Variants in EXD3 observed in about 807,000 individuals in gnomAD.
The protein encoded by EXD3 is exonuclease mut-7 homolog.
A neutral mutation model predicts 98.0 loss-of-function variants in EXD3; 92 were observed. The observed-to-expected ratio is 0.94, with a 90% CI of 0.79 to 1.12. The LOEUF (loss-of-function observed/expected upper bound fraction) is 1.12. Ranked by LOEUF, EXD3 falls within the 50% of genes most tolerant of loss-of-function variation. The probability of loss-of-function intolerance (pLI) is 0.00; values close to 1 mark genes in which losing one functional copy is unlikely to be tolerated. For synonymous variants in EXD3, 569 were observed against 526.0 expected (o/e 1.08, Z -1.12); for missense variants, 1,222 against 1,191.6 (o/e 1.03, Z -0.38).
At chr9:137,418,191 A>C (rs1838329959) in intron 1 of EXD3, among the ~76,000 whole-genome samples, 1 of 152,210 alleles carries the variant, frequency 6.6e-6, no homozygotes, top group South Asian at 2.1e-4. Flanking sequence ...TACTAAAAAT[A>C]CAAAAATTAG....
In EXD3 at chr9:137,395,234, CCCCATGCACA is replaced by C; in HGVS notation, c.55+59_55+68del. 1 of 1,369,588 alleles carries C rather than the reference CCCCATGCACA, an allele frequency of 7.3e-7. No homozygotes were observed. The highest frequency in any genetic ancestry group is 1.0e-6 in the Non-Finnish European group (1 of 959,578). 84.8% of individuals were successfully genotyped at this position (1,369,588 alleles called of 1,614,324 possible). A position where few individuals can be genotyped will look rare whatever the true frequency, so the allele number is the denominator to read the frequency against. Reference sequence around the variant, plus strand: ...TGAGTACACAGTGGGCGCCACCACCCCCCATGCACACCCACGCACCTCCCCCCACAGCCCC... The same window carrying C: ...TGAGTACACAGTGGGCGCCACCACCCCCCACGCACCTCCCCCCACAGCCCC... On this transcript the variant is annotated intron_variant, in intron 2 of 21. Transcript: ENST00000340951. The surrounding 1 kb of genome is among the most constrained non-coding windows in gnomAD (Gnocchi z 6.5).
intron 19 of EXD3, among the ~76,000 whole-genome samples, chr9:137,316,615 C>T (rs866820648): frequency 6.6e-6 from 1 of 152,212 alleles, no homozygotes. Flanking sequence ...CCGCCATCGA[C>T]TGGGGGACTT....
chr9:137,382,061 AGGAGGTGAGGGCGCGCGGT>A (rs1564194613), intron 3 of EXD3, among the ~76,000 whole-genome samples: 7 of 105,514 alleles, frequency 6.6e-5, no homozygotes, highest in African/African-American at 2.0e-4. Flanking sequence ...GGGCGCGCGG[AGGAGGTGAGGGCGCGCGGT>A]GGAGGTCAGG....
intron 20 of EXD3, among the ~76,000 whole-genome samples, chr9:137,308,055 A>G (rs1831142594): frequency 6.6e-6 from 1 of 151,936 alleles, no homozygotes; most frequent in African/African-American, 2.4e-5. Flanking sequence ...GGCAGGGCCC[A>G]GGGACTGCCA....
chr9:137,378,365 C>T (rs192421899), intron 3 of EXD3, among the ~76,000 whole-genome samples: 7 of 152,226 alleles, frequency 4.6e-5, no homozygotes, highest in Non-Finnish European at 7.4e-5. Flanking sequence ...CATGCCACCA[C>T]GCTCGGCTAA....
intron 3 of EXD3, among the ~76,000 whole-genome samples, chr9:137,383,072 C>T (rs7390551): frequency 0.023 from 3,459 of 152,324 alleles, 61 homozygotes; most frequent in African/African-American, 0.026. Context: ...CAGAGGTGAC[C>T]TCAGAGGGGC....
Position 137,408,000 on chromosome 9 carries a change from TG to T in EXD3, c.-47-12597del, listed in dbSNP as rs1253532411. On this transcript the variant is annotated intron_variant, in intron 1 of 21. Coordinates refer to ENST00000340951, the MANE Select transcript of EXD3 (RefSeq NM_017820.5). The surrounding 1 kb of genome is among the most constrained non-coding windows in gnomAD (Gnocchi z 4.4). ...GGGGGTCTCCCCAGCCTCATGCCTCTGGGGATCTCCCACCCTCATGCCTCCT... is the reference window on the plus strand; with the variant it reads ...GGGGGTCTCCCCAGCCTCATGCCTCTGGGATCTCCCACCCTCATGCCTCCT... Among the ~76,000 whole-genome samples, 1 of 152,000 alleles carries T rather than the reference TG, an allele frequency of 6.6e-6. No individual in the cohort carries two copies. Among genetic ancestry groups the T allele is most frequent in the Non-Finnish European group, 1.5e-5 (1 of 67,978 alleles).
At chr9:137,420,693 T>C (rs1221723255) in intron 1 of EXD3, among the ~76,000 whole-genome samples, 1 of 148,730 alleles carries the variant, frequency 6.7e-6, no homozygotes, top group African/African-American at 2.5e-5. Flanking sequence ...TTCCGACAGA[T>C]CCAGGAACTT....
Position 137,349,121 on chromosome 9 carries a change from CG to C in EXD3, c.1818del (p.Ala607HisfsTer70), listed in dbSNP as rs1834110015. ...PPGLQKASAP[A>X]APRQVPVAVA... is the part of the protein sequence containing the mutation. ...GGGGCTTCACCCACCTGCCTGGGTG[CG>C]GCCGGTGCTGACGCTTTCTGCAGGC... is the stretch of plus-strand genomic sequence containing the variant. On this transcript the variant is annotated frameshift_variant, in exon 16 of 22. Transcript: ENST00000340951. LOFTEE classifies it high-confidence loss of function. This position sits in a 1 kb window ranked among gnomAD's most constrained non-coding sequence, Gnocchi z 7.4. 6.3e-7 allele frequency: 1 copy of C among 1,595,138 alleles called. No individual in the cohort carries two copies. The highest frequency in any genetic ancestry group is 8.5e-7 in the Non-Finnish European group (1 of 1,176,568).
rs755567502 is a variant in EXD3 at position 137,372,891 on chromosome 9, C to T, written c.462+14G>A. The T allele has an allele frequency of 6.3e-6, 10 of 1,596,928 alleles. No individual in the cohort carries two copies. In the Admixed American group the frequency reaches 6.7e-5, roughly 11 times the overall value. The stretch of plus-strand genomic sequence containing the variant: ...AGCCGTTTCCCCATGAGCCCGGCCA[C>T]GTGGGCCACTCACTTCTCTGAACCT... On this transcript the variant is annotated intron_variant, in intron 5 of 21. Transcript: ENST00000340951.
chr9:137,350,894 T>G, intron 14 of EXD3, 144 bp downstream of exon 14: 1 of 668,306 alleles, frequency 1.5e-6, no homozygotes, highest in Non-Finnish European at 2.6e-6. Context: ...CAGGCTCTGC[T>G]CTGGGGCCCT....
intron 17 of EXD3, among the ~76,000 whole-genome samples, chr9:137,328,119 T>C (rs1450765729): frequency 1.4e-5 from 2 of 143,986 alleles, no homozygotes; most frequent in African/African-American, 5.2e-5. Context: ...TACACCCATA[T>C]GATGAGTAAA....
chr9:137,350,533 G>A (rs554975705), intron 14 of EXD3, among the ~76,000 whole-genome samples: 1 of 73,314 alleles, frequency 1.4e-5, no homozygotes, highest in African/African-American at 5.4e-5. Context: ...TGGGGATCAC[G>A]GGGAAGGTTC....
At position 137,365,754 on chromosome 9, in the gene EXD3, G is replaced by A. The variant is rs535966060; in HGVS notation, c.656+739C>T. Reference sequence around the variant, plus strand: ...CACACCTACAGGCACACACATACATGCACACACACACCACATGCACGAAAA... The same window carrying A: ...CACACCTACAGGCACACACATACATACACACACACACCACATGCACGAAAA... On this transcript the variant is annotated intron_variant, in intron 7 of 21. Coordinates refer to ENST00000340951, the MANE Select transcript of EXD3 (RefSeq NM_017820.5). 3.8e-4 allele frequency: 120 copies of A among 313,954 alleles called. 1 individual carries two copies. The highest frequency in any genetic ancestry group is 3.0e-3 in the South Asian group (115 of 38,218). The allele number at this position is 313,954 out of a possible 1,614,324, so 19.4% of individuals were successfully genotyped here.
At chr9:137,398,248 C>T (rs1010128196) in intron 1 of EXD3, among the ~76,000 whole-genome samples, 1 of 152,204 alleles carries the variant, frequency 6.6e-6, no homozygotes, top group Non-Finnish European at 1.5e-5. Flanking sequence ...TGAACGGCCC[C>T]GTCTGCAGCA....
In EXD3 at chr9:137,405,815, G is replaced by A. The variant is rs895351551; in HGVS notation, c.-47-10411C>T. On this transcript the variant is annotated intron_variant, in intron 1 of 21. Coordinates refer to ENST00000340951, the MANE Select transcript of EXD3 (RefSeq NM_017820.5). The surrounding 1 kb of genome is among the most constrained non-coding windows in gnomAD (Gnocchi z 4.1). ...TGGGTACCATGCACATGGTCTCCCC[G>A]CCCTGCCTACCATCTGCTGCCCTGG... 1.3e-5 allele frequency among the ~76,000 whole-genome samples: 2 copies of A among 152,206 alleles called. No homozygotes were observed. The highest frequency in any genetic ancestry group is 2.9e-5 in the Non-Finnish European group (2 of 68,044).
chr9:137,333,401 T>A (rs537759372), intron 17 of EXD3, among the ~76,000 whole-genome samples: 4 of 152,172 alleles, frequency 2.6e-5, no homozygotes, highest in Non-Finnish European at 5.9e-5. Context: ...CGTATGCACA[T>A]CTATCCTATC....
intron 17 of EXD3, among the ~76,000 whole-genome samples, chr9:137,326,078 CAAAAA>C (rs796346556): frequency 1.0e-5 from 1 of 95,530 alleles, no homozygotes. Context: ...GAACCTGTCT[CAAAAA>C]AAAAAAAAAA....
In EXD3 at chr9:137,407,269, C is replaced by T. The variant is rs1837766318; in HGVS notation, c.-47-11865G>A. 1.3e-5 allele frequency among the ~76,000 whole-genome samples: 2 copies of T among 152,222 alleles called. No individual in the cohort carries two copies. Among genetic ancestry groups the T allele is most frequent in the South Asian group, 4.1e-4 (2 of 4,836 alleles). On this transcript the variant is annotated intron_variant, in intron 1 of 21. Transcript: ENST00000340951. The surrounding 1 kb of genome is among the most constrained non-coding windows in gnomAD (Gnocchi z 4.4). The stretch of plus-strand genomic sequence containing the variant: ...GCTGGGTCTCCGTTTCCCACCAGGC[C>T]AGCGCTGCAGGCAGAGCCCAGCCCG...
Sources: allele counts gnomAD v4.1 joint callset (sites outside exome capture counted in the v4.1 genomes callset), GRCh38; gene constraint gnomAD v4.1.1; non-coding constraint Gnocchi (gnomAD v3.1); transcripts MANE v1.5; gene names NCBI Gene and HGNC (gene_info 2026-07-23, HGNC 2026-07-21).